The following ARL10 variants were observed in gnomAD, a reference collection of about 807,000 sequenced individuals.
The protein encoded by ARL10 is ADP-ribosylation factor-like protein 10.
In ARL10, 23 loss-of-function variants were observed where a neutral mutation model predicts 26.1. The ratio of observed to expected loss-of-function variants is 0.88; its 90% CI spans 0.63 to 1.25. ARL10 has a LOEUF of 1.25. Among genes scored for constraint, ARL10 ranks in the 50% most tolerant of loss-of-function variants. ARL10 has a pLI of 0.00. For synonymous variants in ARL10, 138 were observed against 149.1 expected (o/e 0.93, Z 0.54); for missense variants, 300 against 323.6 (o/e 0.93, Z 0.56).
chr5:176,396,560 T>C, intron 1 of ARL10: 1 of 1,594,388 alleles, frequency 6.3e-7, no homozygotes, highest in South Asian at 1.1e-5. Context: ...GGGAAGGGGT[T>C]AGGTGGGGGA....
downstream of ARL10, chr5:176,389,283 C>A: frequency 3.8e-6 from 6 of 1,577,688 alleles, no homozygotes; most frequent in Non-Finnish European, 5.2e-6. Context: ...GGGGAATGAC[C>A]TGCGGGGCCC....
chr5:176,369,139 G>A, intron 3 of ARL10, 157 bp downstream of exon 3: 1 of 1,535,168 alleles, frequency 6.5e-7, no homozygotes, highest in Non-Finnish European at 8.7e-7. Context: ...CCCTGCCTCT[G>A]TCTTCCTTCC....
chr5:176,398,438 G>A (rs901919988), intron 1 of ARL10, among the ~76,000 whole-genome samples: 2 of 152,256 alleles, frequency 1.3e-5, no homozygotes, highest in South Asian at 2.1e-4. Flanking sequence ...AATGTCGGGC[G>A]CAGTGGCTCA....
At chr5:176,395,325 C>T (rs1756467072) in intron 1 of ARL10, among the ~76,000 whole-genome samples, 1 of 152,218 alleles carries the variant, frequency 6.6e-6, no homozygotes, top group Non-Finnish European at 1.5e-5. Context: ...CTGTGTCCTT[C>T]CACAAGGCCC....
chr5:176,401,115 C>G (rs1326871429), intron 1 of ARL10, among the ~76,000 whole-genome samples: 1 of 152,200 alleles, frequency 6.6e-6, no homozygotes, highest in Non-Finnish European at 1.5e-5. Flanking sequence ...TTCTGGGGCC[C>G]TTCTCCGGAG....
At chr5:176,389,049 C>G, downstream of ARL10, 1 of 1,561,500 alleles carries the variant, frequency 6.4e-7, no homozygotes, top group South Asian at 1.1e-5. Context: ...AGGACCAGAG[C>G]GCTAGCGGGG....
At chr5:176,382,294 G>A (rs962330666), downstream of ARL10, among the ~76,000 whole-genome samples, 4 of 152,156 alleles carry the variant, frequency 2.6e-5, no homozygotes, top group South Asian at 4.1e-4. Context: ...ATCTCAGAAC[G>A]ATCTAGCCTG....
In ARL10 at chr5:176,398,957, C is replaced by G. The variant is rs568349355; in HGVS notation, c.134-2784C>G. Among the ~76,000 whole-genome samples, 12 of 152,010 alleles carry G rather than the reference C, an allele frequency of 7.9e-5. No homozygotes were observed. In the South Asian group the frequency reaches 2.5e-3, roughly 32 times the overall value. Reference sequence around the variant, plus strand: ...TCCCAGGTTCAAGCGATTTTCCTACCTCAGCCTCCTGAGTAGCTGGGATTA... The same window carrying G: ...TCCCAGGTTCAAGCGATTTTCCTACGTCAGCCTCCTGAGTAGCTGGGATTA... On this transcript the variant is annotated intron_variant, in intron 1 of 1. Coordinates refer to the ARL10 transcript ENST00000514533.
chr5:176,388,461 G>A, exon 2 of ARL10: 1 of 1,614,186 alleles, frequency 6.2e-7, no homozygotes, highest in Non-Finnish European at 8.5e-7. Context: ...GCCTTCCGTC[G>A]AGCATTCCGG....
the ARL10 span, among the ~76,000 whole-genome samples, chr5:176,414,811 T>C: frequency 2.0e-5 from 3 of 152,282 alleles, no homozygotes; most frequent in Admixed American, 1.3e-4. Context: ...ACATTTCTCA[T>C]ATCAAGGAGA....
intron 1 of ARL10, among the ~76,000 whole-genome samples, chr5:176,396,002 G>C (rs954165200): frequency 6.6e-6 from 1 of 152,144 alleles, no homozygotes; most frequent in African/African-American, 2.4e-5. Context: ...GGGCACGGTT[G>C]CATGTGCCTA....
chr5:176,386,955 G>T, intron 1 of ARL10: 2 of 1,521,316 alleles, frequency 1.3e-6, no homozygotes, highest in Non-Finnish European at 1.8e-6. Flanking sequence ...TTTGATGAGG[G>T]AAAGTTATAG....
downstream of ARL10, among the ~76,000 whole-genome samples, chr5:176,383,736 C>T (rs577009019): frequency 4.3e-4 from 66 of 152,296 alleles, no homozygotes; most frequent in Middle Eastern, 3.4e-3. Context: ...CCAGGGTTGC[C>T]GGCAAGCTTC....
At chr5:176,411,531 T>C in the ARL10 span, among the ~76,000 whole-genome samples, 1 of 152,130 alleles carries the variant, frequency 6.6e-6, no homozygotes, top group African/African-American at 2.4e-5. Flanking sequence ...GGGCACCCCT[T>C]CCTATTCCTC....
chr5:176,411,297 A>C, the ARL10 span, among the ~76,000 whole-genome samples: 1 of 152,202 alleles, frequency 6.6e-6, no homozygotes, highest in South Asian at 2.1e-4. Context: ...TCTGTAAAAC[A>C]TGCACTTACC....
At chr5:176,389,316 T>C, downstream of ARL10, 1 of 1,609,028 alleles carries the variant, frequency 6.2e-7, no homozygotes, top group Non-Finnish European at 8.5e-7. Context: ...CCCAGTTGCT[T>C]TGTCCCCTCC....
At chr5:176,385,126 A>C (rs781322768), downstream of ARL10, 4 of 784,488 alleles carry the variant, frequency 5.1e-6, no homozygotes, top group African/African-American at 6.8e-5. Flanking sequence ...CTTTCTTTGC[A>C]CTCGGTTTCA....
At chr5:176,402,593 C>T (rs1756880893), downstream of ARL10, among the ~76,000 whole-genome samples, 1 of 152,236 alleles carries the variant, frequency 6.6e-6, no homozygotes. Flanking sequence ...CCCTCCCTGC[C>T]ATGAGGGCAG....
chr5:176,401,479 AC>A (rs1223837432), intron 1 of ARL10, among the ~76,000 whole-genome samples: 1 of 152,136 alleles, frequency 6.6e-6, no homozygotes, highest in African/African-American at 2.4e-5. Flanking sequence ...ACGTCACTTC[AC>A]TTTTCATTCC....
Sources: allele counts gnomAD v4.1 joint callset (sites outside exome capture counted in the v4.1 genomes callset), GRCh38; gene constraint gnomAD v4.1.1; transcripts MANE v1.5; gene names NCBI Gene and HGNC (gene_info 2026-07-23, HGNC 2026-07-21).